Variants in CNKSR2 observed in about 807,000 individuals in gnomAD.
CNKSR2 encodes the protein connector enhancer of kinase suppressor of Ras 2, also known as CNK homolog protein 2.
Under a neutral mutation model 84.4 loss-of-function variants are expected in CNKSR2, and 14 were observed. That is an observed-to-expected ratio of 0.17 (90% CI 0.11 to 0.26). The LOEUF (loss-of-function observed/expected upper bound fraction) is 0.26, where lower values mean the gene tolerates loss of function less well. Among genes scored for constraint, CNKSR2 ranks in the 10% least tolerant of loss-of-function variants. CNKSR2 has a pLI of 1.00. For synonymous variants in CNKSR2, 275 were observed against 277.9 expected, an observed-to-expected ratio of 0.99 and a Z score of 0.10; for missense variants, 485 against 771.2, an observed-to-expected ratio of 0.63 and a Z score of 4.40.
At chrX:21,559,597 T>C (rs2092170017) in intron 11 of CNKSR2, among the ~76,000 whole-genome samples, 1 of 111,400 alleles carries the variant, frequency 9.0e-6, no homozygotes. Context: ...GGAAATTCCT[T>C]ACTGTAGATA....
In CNKSR2 at chrX:21,520,405, C is replaced by T. The variant is rs113635128; in HGVS notation, c.957+3774C>T. Among the ~76,000 whole-genome samples, 948 of 110,386 alleles carry T rather than the reference C, an allele frequency of 8.6e-3. 7 individuals carry two copies. Among genetic ancestry groups the T allele is most frequent in the African/African-American group, 0.028 (855 of 30,474 alleles). On this transcript the variant is annotated intron_variant, in intron 9 of 21. Transcript: ENST00000379510. ...AGAGCTGCTTTTCAAAACATCTTTT[C>T]AGTGGCACTCTACTAATTTCCTGCA...
intron 21 of CNKSR2, among the ~76,000 whole-genome samples, chrX:21,651,956 G>T (rs1056897367): frequency 8.9e-6 from 1 of 112,433 alleles, no homozygotes; most frequent in Non-Finnish European, 1.9e-5. Flanking sequence ...GGCACTGATG[G>T]AGTAGTAAAG....
intron 21 of CNKSR2, among the ~76,000 whole-genome samples, chrX:21,649,263 T>C (rs371947304): frequency 1.4e-4 from 16 of 112,267 alleles, no homozygotes; most frequent in African/African-American, 4.8e-4. Flanking sequence ...TACTCAGTTC[T>C]AGGAGAAAAC....
intron 4 of CNKSR2, among the ~76,000 whole-genome samples, chrX:21,443,163 A>G (rs1330140000): frequency 8.9e-6 from 1 of 111,777 alleles, no homozygotes; most frequent in East Asian, 2.8e-4. Flanking sequence ...TAAAAAAAGT[A>G]AAATAAAATA....
At chrX:21,446,256 A>C (rs185034201) in intron 4 of CNKSR2, among the ~76,000 whole-genome samples, 163 of 111,429 alleles carry the variant, frequency 1.5e-3, no homozygotes, top group African/African-American at 5.1e-3. Flanking sequence ...AGATAACTTG[A>C]ATACTTTTTT....
At chrX:21,545,080 G>A (rs1000176164) in intron 11 of CNKSR2, among the ~76,000 whole-genome samples, 37 of 111,321 alleles carry the variant, frequency 3.3e-4, no homozygotes, top group African/African-American at 1.1e-3. Context: ...AGGGAGCCAA[G>A]GGATCTAGCT....
chrX:21,390,136 C>T (rs2090028486), intron 1 of CNKSR2, among the ~76,000 whole-genome samples: 1 of 111,728 alleles, frequency 9.0e-6, no homozygotes, highest in Non-Finnish European at 1.9e-5. Flanking sequence ...GTTTCTGTTT[C>T]CTGTAGGCAA....
chrX:21,599,339 GGTGTGTGTGTGTGTGTGTGTGTGTGTGT>G (rs34829122), intron 17 of CNKSR2, among the ~76,000 whole-genome samples: 29 of 82,707 alleles, frequency 3.5e-4, no homozygotes, highest in Non-Finnish European at 5.8e-4. Flanking sequence ...TTTTTGTTTT[GGTGTGTGTGTGTGTGTGTGTGTGTGTGT>G]GTGTGTGTGT....
Position 21,563,305 on chromosome X carries a change from C to G in CNKSR2, c.1461C>G (p.Asn487Lys), listed in dbSNP as rs1287689353. Residue 487 changes from asparagine (N) to lysine (K), a missense_variant, in exon 13 of 22, where the codon AAC (asparagine) becomes AAG (lysine). By Grantham distance (94) the Asn-to-Lys change is moderately conservative. Coordinates refer to ENST00000379510, the MANE Select transcript of CNKSR2 (RefSeq NM_014927.5). The stretch of plus-strand genomic sequence containing the variant: ...AAGAAGAATACATGTTTCAGAGAAA[C>G]AGCAAAAAGGACACAGGGAAGAAGT... The part of the protein sequence containing the change: ...IAQEEYMFQR[N>K]SKKDTGKKSK... The G allele has an allele frequency of 8.3e-7, 1 of 1,209,684 alleles. No homozygotes were observed. The highest frequency in any genetic ancestry group is 1.1e-6 in the Non-Finnish European group (1 of 894,243).
At chrX:21,573,658 T>A (rs1427106586) in intron 13 of CNKSR2, among the ~76,000 whole-genome samples, 1 of 111,611 alleles carries the variant, frequency 9.0e-6, no homozygotes, top group African/African-American at 3.3e-5. Context: ...CTTTTAGCCA[T>A]GACTGGAGTG....
At chrX:21,562,097 T>C (rs548101625) in intron 12 of CNKSR2, among the ~76,000 whole-genome samples, 4 of 108,969 alleles carry the variant, frequency 3.7e-5, no homozygotes, top group South Asian at 8.0e-4. Context: ...TACATGGGGG[T>C]GGGCTACTCT....
intron 11 of CNKSR2, among the ~76,000 whole-genome samples, chrX:21,540,608 G>A (rs1175392685): frequency 9.0e-6 from 1 of 111,688 alleles, no homozygotes; most frequent in African/African-American, 3.3e-5. Context: ...CTTAGCACTT[G>A]TGTGATACCT....
At chrX:21,649,769 G>A (rs907541253) in intron 21 of CNKSR2, among the ~76,000 whole-genome samples, 6 of 111,351 alleles carry the variant, frequency 5.4e-5, no homozygotes, top group African/African-American at 2.0e-4. Flanking sequence ...AGCAGGCCCT[G>A]TGCCCTTATA....
intron 20 of CNKSR2, chrX:21,643,465 A>T (rs2092697821): frequency 8.9e-6 from 1 of 111,906 alleles, no homozygotes; most frequent in Non-Finnish European, 1.9e-5. Flanking sequence ...TCACATCTTT[A>T]TGGAGCAATA....
At chrX:21,493,303 G>A (rs903528156) in intron 6 of CNKSR2, 2 of 112,363 alleles carry the variant, frequency 1.8e-5, no homozygotes, top group Non-Finnish European at 3.8e-5. Context: ...CAGAGCCAAG[G>A]CATGAGCCAA....
rs181028774 is a variant in CNKSR2, at chrX:21,411,626, T to C, written c.65-14871T>C. 7.0e-4 allele frequency among the ~76,000 whole-genome samples: 78 copies of C among 110,863 alleles called. 1 individual carries two copies. The highest frequency in any genetic ancestry group is 2.3e-3 in the African/African-American group (71 of 30,471). The stretch of plus-strand genomic sequence containing the variant: ...CCTTGCTGTTTTCAGGGTCTAATAC[T>C]CTTTCCTCCCTCTTTGGCTAGTTAA... On this transcript the variant is annotated intron_variant, in intron 1 of 21. Coordinates refer to ENST00000379510, the MANE Select transcript of CNKSR2 (RefSeq NM_014927.5).
At chrX:21,479,121 C>G (rs1391227779) in intron 5 of CNKSR2, among the ~76,000 whole-genome samples, 3 of 111,581 alleles carry the variant, frequency 2.7e-5, no homozygotes, top group Non-Finnish European at 5.6e-5. Flanking sequence ...CACATGTATA[C>G]ACTTTTTTTA....
At chrX:21,457,488 A>G (rs1366850460) in intron 4 of CNKSR2, among the ~76,000 whole-genome samples, 1 of 112,071 alleles carries the variant, frequency 8.9e-6, no homozygotes, top group African/African-American at 3.2e-5. Context: ...ACACCATGCC[A>G]AGAATAGAAC....
At chrX:21,543,148 G>T (rs1031763300) in intron 11 of CNKSR2, among the ~76,000 whole-genome samples, 2 of 112,389 alleles carry the variant, frequency 1.8e-5, no homozygotes, top group Non-Finnish European at 3.8e-5. Context: ...AGGTTCCAGG[G>T]TCTCTCTGTC....
Sources: gnomAD v4.1 joint callset for allele counts (sites outside exome capture counted in the v4.1 genomes callset) on GRCh38, gnomAD v4.1.1 for gene constraint, MANE v1.5 for transcripts, NCBI Gene and HGNC (gene_info 2026-07-23, HGNC 2026-07-21) for gene names.